KIF26A: variants seen among roughly 807,000 people sequenced by gnomAD.
KIF26A encodes kinesin family member 26A.
In KIF26A, 74 loss-of-function variants were observed where a neutral mutation model predicts 126.0. That is an observed-to-expected ratio of 0.59 (90% CI 0.49 to 0.71). The LOEUF (loss-of-function observed/expected upper bound fraction) is 0.71. Ranked by LOEUF, KIF26A falls within the 30% of genes least tolerant of loss-of-function variation. The probability of loss-of-function intolerance (pLI) is 0.00; values close to 1 mark genes in which losing one functional copy is unlikely to be tolerated. For missense variants in KIF26A, 2,984 were observed against 2,763.3 expected, an observed-to-expected ratio of 1.08 and a Z score of -1.79; for synonymous variants, 1,445 against 1,232.7, an observed-to-expected ratio of 1.17 and a Z score of -3.61.
At chr14:104,164,148 G>A (rs1465636232) in intron 4 of KIF26A, among the ~76,000 whole-genome samples, 3 of 152,192 alleles carry the variant, frequency 2.0e-5, no homozygotes, top group Admixed American at 6.5e-5. Flanking sequence ...TGCAGCCGCC[G>A]CAGTGGGGGC....
chr14:104,167,816 C>T (rs1281397045), intron 5 of KIF26A, among the ~76,000 whole-genome samples: 1 of 152,134 alleles, frequency 6.6e-6, no homozygotes, highest in Non-Finnish European at 1.5e-5. Context: ...TGCTCTGCAG[C>T]CAGCCCCCTC....
At chr14:104,155,716 G>A (rs564641668) in intron 3 of KIF26A, among the ~76,000 whole-genome samples, 6 of 152,382 alleles carry the variant, frequency 3.9e-5, no homozygotes, top group Admixed American at 6.5e-5. Flanking sequence ...CGGTGGAGCC[G>A]AGGCGCGTGC....
In KIF26A at chr14:104,177,617, C is replaced by T. The variant is rs1049374160; in HGVS notation, c.4829C>T (p.Pro1610Leu). The change falls in exon 12 of 15, where the codon CCC becomes CTC. Residue 1610 changes from proline to leucine, a missense_variant. Coordinates refer to ENST00000423312, the MANE Select transcript of KIF26A (RefSeq NM_015656.2). ...CGGCCACCCACGGGCCCGGCCCTGC[C>T]CTCCCCCTACAGCAAGGTGACCGCC... Reference protein sequence around the residue: ...EERPPTGPALPSPYSKVTAPR... With the variant: ...EERPPTGPALLSPYSKVTAPR... 1.3e-6 allele frequency: 2 copies of T among 1,527,810 alleles called. No individual in the cohort carries two copies. The highest frequency in any genetic ancestry group is 2.5e-5 in the East Asian group (1 of 40,624). 94.6% of individuals were successfully genotyped at this position (1,527,810 alleles called of 1,614,324 possible). A position where few individuals can be genotyped will look rare whatever the true frequency, so the allele number is the denominator to read the frequency against.
At position 104,171,905 on chromosome 14, in the gene KIF26A, C is replaced by G; in HGVS notation, c.1296C>G (p.Phe432Leu). ...CTGCAGTTCCCAAGATGTTTGCCTT[C>G]GATGCCGTCTTCCCCCAGGACTCCG... The part of the protein sequence containing the change: ...ATAAVPKMFA[F>L]DAVFPQDSEQ... The change falls in exon 6 of 15, where the codon TTC becomes TTG. Residue 432 changes from phenylalanine to leucine, a missense_variant. Physicochemically the swap from Phe to Leu is conservative, Grantham distance 22. Transcript: ENST00000423312. The G allele has an allele frequency of 6.4e-7, 1 of 1,557,098 alleles. No individual in the cohort carries two copies. Among genetic ancestry groups the G allele is most frequent in the Non-Finnish European group, 8.7e-7 (1 of 1,151,372 alleles).
chr14:104,166,921 C>A lies in KIF26A; in HGVS notation c.986C>A (p.Ala329Asp). 6.3e-7 allele frequency: 1 copy of A among 1,593,608 alleles called. No homozygotes were observed. The highest frequency in any genetic ancestry group is 8.5e-7 in the Non-Finnish European group (1 of 1,171,244). The change falls in exon 5 of 15, where the codon GCC becomes GAC. Residue 329 changes from alanine (A) to aspartate (D), a missense_variant. By Grantham distance (126) the Ala-to-Asp change is moderately radical. Transcript: ENST00000423312. The stretch of plus-strand genomic sequence containing the variant: ...AAGCCCCACCCGCCACCGCCTCCAG[C>A]CACCCGCGGCACCTCCACCTACCCC... ...RKKPHPPPPP[A>D]TRGTSTYPTD...
At chr14:104,178,956 TC>T (rs922295881) in intron 13 of KIF26A, among the ~76,000 whole-genome samples, 12 of 152,000 alleles carry the variant, frequency 7.9e-5, no homozygotes, top group Admixed American at 7.8e-4. Context: ...GCTCCGACAC[TC>T]CCCTTGGGCA....
rs372810199 is a variant in KIF26A at position 104,174,134 on chromosome 14, G to T, written c.2031-14G>T. ...TTCCCAAGGCCTTGGCATCTGAACC[G>T]CCTCGACCCGCAGGGACCACAGGCT... On this transcript the variant is annotated splice_polypyrimidine_tract_variant and intron_variant, in intron 10 of 14. Coordinates refer to ENST00000423312, the MANE Select transcript of KIF26A (RefSeq NM_015656.2). 1 of 1,544,600 alleles carries T rather than the reference G, an allele frequency of 6.5e-7. No individual in the cohort carries two copies. Among genetic ancestry groups the T allele is most frequent in the East Asian group, 2.3e-5 (1 of 42,886 alleles).
intron 12 of KIF26A, 39 bp downstream of exon 12, chr14:104,177,937 C>T (rs2038053530): frequency 6.9e-7 from 1 of 1,457,496 alleles, no homozygotes; most frequent in South Asian, 1.5e-5. Flanking sequence ...AGTTTACGGG[C>T]TTTCTGTGTG....
At position 104,139,115 on chromosome 14, in the gene KIF26A, G is replaced by A. The variant is rs916259596; in HGVS notation, c.115G>A (p.Gly39Arg). ...EVSPRKRLPA[G>R]PDQDPCGSRP... ...GTCCCCCCGAAAGAGGCTACCCGCCGGGCCCGACCAGGACCCATGCGGCAG... is the reference window on the plus strand; with the variant it reads ...GTCCCCCCGAAAGAGGCTACCCGCCAGGCCCGACCAGGACCCATGCGGCAG... The change falls in exon 2 of 15, where the codon GGG becomes AGG. Residue 39 changes from glycine to arginine, a missense_variant. Transcript: ENST00000423312. 3 of 1,481,112 alleles carry A rather than the reference G, an allele frequency of 2.0e-6. No homozygotes were observed. Among genetic ancestry groups the A allele is most frequent in the Non-Finnish European group, 2.7e-6 (3 of 1,117,580 alleles). The allele number at this position is 1,481,112 out of a possible 1,614,324, so 91.7% of individuals were successfully genotyped here. A position where few individuals can be genotyped will look rare whatever the true frequency, so the allele number is the denominator to read the frequency against.
chr14:104,177,396 A>C lies in KIF26A; in HGVS notation c.4608A>C (p.Ala1536=), dbSNP rs1336998602. ...GCGGCCCTGTGGCCGGTCCCAGAGC[A>C]GCCCCACGGGCCGGGCCCAGTGTCG... The part of the protein sequence containing the change: ...SPGGPVAGPR[A]APRAGPSVGA... Residue 1536 remains alanine (A), a synonymous_variant, in exon 12 of 15, where the codon GCA becomes GCC. Coordinates refer to ENST00000423312, the MANE Select transcript of KIF26A (RefSeq NM_015656.2). 4 of 1,491,314 alleles carry C rather than the reference A, an allele frequency of 2.7e-6. No homozygotes were observed. The South Asian group carries it at 4.0e-5, about 15-fold the overall frequency. The allele number at this position is 1,491,314 out of a possible 1,614,324, so 92.4% of individuals were successfully genotyped here.
rs530340071 is a variant in KIF26A at position 104,157,171 on chromosome 14, C to T, written c.736-584C>T. Among the ~76,000 whole-genome samples the T allele has an allele frequency of 8.7e-4, 132 of 152,246 alleles. 1 individual carries two copies. Among genetic ancestry groups the T allele is most frequent in the African/African-American group, 2.7e-3 (113 of 41,546 alleles). On this transcript the variant is annotated intron_variant, in intron 3 of 14. Transcript: ENST00000423312. ...CTGGGCTGTCCCGGGCGTTTAATTA[C>T]GTTTGTGCTTCATTATGAGGAGGCC...
At position 104,173,339 on chromosome 14, in the gene KIF26A, C is replaced by G. The variant is rs997062599; in HGVS notation, c.1693C>G (p.Gln565Glu). 1.9e-6 allele frequency: 3 copies of G among 1,606,806 alleles called. No homozygotes were observed. Among genetic ancestry groups the G allele is most frequent in the African/African-American group, 2.7e-5 (2 of 74,838 alleles). The change falls in exon 9 of 15, where the codon CAA (glutamine) becomes GAA (glutamate). Residue 565 changes from glutamine (Q) to glutamate (E), a missense_variant. Coordinates refer to ENST00000423312, the MANE Select transcript of KIF26A (RefSeq NM_015656.2). ...TCTGCCTTTCCTGCAGCTCCAGAAC[C>G]AAAGCGAGCTGCGGGCACCCACGGC... ...DPVCGAQLQN[Q>E]SELRAPTAEK... is the part of the protein sequence containing the mutation.
intron 5 of KIF26A, among the ~76,000 whole-genome samples, chr14:104,169,744 C>T (rs1237317814): frequency 5.3e-5 from 8 of 152,222 alleles, no homozygotes; most frequent in Admixed American, 5.2e-4. Flanking sequence ...GCGCCCTTCC[C>T]CCTCCCTGCC....
intron 2 of KIF26A, among the ~76,000 whole-genome samples, chr14:104,143,488 C>T (rs763687046): frequency 1.3e-5 from 2 of 152,198 alleles, no homozygotes; most frequent in African/African-American, 2.4e-5. Flanking sequence ...TTCCTCCTGC[C>T]AGCTTTTCGT....
chr14:104,138,660 G>A lies in KIF26A; in HGVS notation c.-63G>A. ...CGCCTCGGGGCCGGATCACGTAGCC[G>A]CGGCGCCCCCGGAGAGCCAGCGTGG... On this transcript the variant is annotated 5_prime_UTR_variant, in exon 1 of 15. Transcript: ENST00000423312. The A allele has an allele frequency of 8.2e-7, 1 of 1,217,910 alleles. No individual in the cohort carries two copies. 75.4% of individuals were successfully genotyped at this position (1,217,910 alleles called of 1,614,324 possible).
intron 2 of KIF26A, among the ~76,000 whole-genome samples, chr14:104,141,970 C>CTGCT (rs2037641838): frequency 6.6e-6 from 1 of 152,206 alleles, no homozygotes; most frequent in African/African-American, 2.4e-5. Context: ...GCAGCTGCTG[C>CTGCT]TGCTGTTTGC....
intron 4 of KIF26A, among the ~76,000 whole-genome samples, chr14:104,163,641 T>A (rs866100712): frequency 3.3e-5 from 5 of 151,324 alleles, no homozygotes; most frequent in African/African-American, 9.7e-5. Flanking sequence ...CCACCCTGTG[T>A]GGCTCAGCTA....
chr14:104,155,776 T>G (rs549511011), intron 3 of KIF26A, among the ~76,000 whole-genome samples: 2 of 152,350 alleles, frequency 1.3e-5, no homozygotes, highest in African/African-American at 4.8e-5. Flanking sequence ...GCCGCAGGCC[T>G]GTACCGTTGC....
chr14:104,173,774 G>A lies in KIF26A; in HGVS notation c.1936G>A (p.Gly646Arg), dbSNP rs201048370. 5.8e-5 allele frequency: 94 copies of A among 1,608,256 alleles called. No individual in the cohort carries two copies. The highest frequency in any genetic ancestry group is 6.7e-5 in the East Asian group (3 of 44,870). Residue 646 changes from glycine to arginine, a missense_variant, in exon 10 of 15, where the codon GGG becomes AGG. Transcript: ENST00000423312. ...GSCEAAAGRA[G>R]EAAGGPLCLS... The stretch of plus-strand genomic sequence containing the variant: ...CTGTGAGGCGGCGGCTGGCAGGGCC[G>A]GGGAGGCTGCTGGGGGTCCCCTGTG...
Sources: gnomAD v4.1 joint callset for allele counts (sites outside exome capture counted in the v4.1 genomes callset) on GRCh38, gnomAD v4.1.1 for gene constraint, MANE v1.5 for transcripts, NCBI Gene and HGNC (gene_info 2026-07-23, HGNC 2026-07-21) for gene names.